The following KIAA1217 variants were observed in gnomAD, a reference collection of about 807,000 sequenced individuals.
The protein encoded by KIAA1217 is sickle tail protein homolog.
In KIAA1217, 88 loss-of-function variants were observed where a neutral mutation model predicts 163.9. The ratio of observed to expected loss-of-function variants is 0.54; its 90% CI spans 0.45 to 0.64. KIAA1217 has a LOEUF of 0.64. Among genes scored for constraint, KIAA1217 ranks in the 30% least tolerant of loss-of-function variants. The pLI is 0.00. For missense variants in KIAA1217, 2,372 were observed against 2,475.0 expected (o/e 0.96, Z 0.88); for synonymous variants, 903 against 923.1 (o/e 0.98, Z 0.39).
intron 1 of KIAA1217, among the ~76,000 whole-genome samples, chr10:23,851,408 A>C (rs566096964): frequency 6.6e-6 from 1 of 152,250 alleles, no homozygotes; most frequent in East Asian, 1.9e-4. Flanking sequence ...AATCCAGTCT[A>C]TCATTGTTGG....
At chr10:23,864,231 C>T (rs1840081509) in intron 1 of KIAA1217, among the ~76,000 whole-genome samples, 1 of 151,862 alleles carries the variant, frequency 6.6e-6, no homozygotes, top group South Asian at 2.1e-4. Flanking sequence ...ACACTATGCT[C>T]TTATTGTGCC....
In KIAA1217 at chr10:24,182,418, G is replaced by T. The variant is rs1006900476; in HGVS notation, c.-170-37208G>T. ...GATCGCACCACTGCACTCCAACCTG[G>T]ATGACAGAGCAAGACTCCATCACAC... On this transcript the variant is annotated intron_variant, in intron 2 of 18. Transcript: ENST00000376462. Among the ~76,000 whole-genome samples the T allele has an allele frequency of 1.5e-4, 18 of 121,360 alleles. No homozygotes were observed. In the South Asian group the frequency reaches 5.0e-3, roughly 34 times the overall value. 79.6% of individuals were successfully genotyped at this position (121,360 alleles called of 152,430 possible). A position where few individuals can be genotyped will look rare whatever the true frequency, so the allele number is the denominator to read the frequency against.
chr10:24,379,435 T>C (rs1040461230), intron 2 of KIAA1217, among the ~76,000 whole-genome samples: 1 of 152,186 alleles, frequency 6.6e-6, no homozygotes, highest in African/African-American at 2.4e-5. Flanking sequence ...TTGGCATATC[T>C]TTGCTGAGTT....
intron 20 of KIAA1217, 44 bp from the exon 21 acceptor site, chr10:24,545,783 G>T: frequency 1.3e-6 from 2 of 1,546,324 alleles, no homozygotes; most frequent in South Asian, 2.6e-5. Flanking sequence ...TTGATCATGT[G>T]ACCGCCTTTC....
chr10:23,834,959 A>C (rs551460929), intron 1 of KIAA1217, among the ~76,000 whole-genome samples: 12 of 152,290 alleles, frequency 7.9e-5, no homozygotes, highest in African/African-American at 2.6e-4. Flanking sequence ...AATGACTATC[A>C]AATATCCAAG....
chr10:24,227,156 A>ATTG (rs2070691328), intron 2 of KIAA1217, among the ~76,000 whole-genome samples: 1 of 150,590 alleles, frequency 6.6e-6, no homozygotes, highest in Non-Finnish European at 1.5e-5. Context: ...TATTATTATT[A>ATTG]TTATTATTAT....
At chr10:23,765,187 CTT>C (rs67342339) in intron 1 of KIAA1217, among the ~76,000 whole-genome samples, 12 of 75,358 alleles carry the variant, frequency 1.6e-4, no homozygotes, top group African/African-American at 5.8e-4. Context: ...TTTTTGTTCT[CTT>C]TTTTTTTTTT....
At position 24,473,240 on chromosome 10, in the gene KIAA1217, C is replaced by T. The variant is rs1174207916; in HGVS notation, c.859C>T (p.Leu287Phe). ...GTTTTCTTTTCAGATGCAGAGAGAA[C>T]TTGTTTATGCAAGAGGAGATGGCCC... ...MNGDMRMQRE[L>F]VYARGDGPGA... Residue 287 changes from leucine (L) to phenylalanine (F), a missense_variant, in exon 6 of 21, where the codon CTT (leucine) becomes TTT (phenylalanine). Leu to Phe is a conservative substitution (Grantham distance 22). This residue lies in a region of KIAA1217 where 1,431 missense variants were observed against 1,470.3 expected (regional missense o/e 0.97). Coordinates refer to ENST00000376454, the MANE Select transcript of KIAA1217 (RefSeq NM_019590.5). 1.3e-6 allele frequency: 2 copies of T among 1,514,112 alleles called. No individual in the cohort carries two copies. The highest frequency in any genetic ancestry group is 1.8e-6 in the Non-Finnish European group (2 of 1,132,114). 93.8% of individuals were successfully genotyped at this position (1,514,112 alleles called of 1,614,324 possible).
Position 24,254,248 on chromosome 10 carries a change from G to A in KIAA1217, c.354+34339G>A, listed in dbSNP as rs892763602. ...GAGTCCCACTGATGCCCTTAACACCGGGCATTGTTCAACTTGGGGTCATTT... is the reference window on the plus strand; with the variant it reads ...GAGTCCCACTGATGCCCTTAACACCAGGCATTGTTCAACTTGGGGTCATTT... On this transcript the variant is annotated intron_variant, in intron 2 of 20. Coordinates refer to ENST00000376454, the MANE Select transcript of KIAA1217 (RefSeq NM_019590.5). Among the ~76,000 whole-genome samples the A allele has an allele frequency of 6.6e-5, 10 of 152,298 alleles. No individual in the cohort carries two copies. The South Asian group carries it at 1.0e-3, about 16-fold the overall frequency.
At chr10:24,530,704 C>T (rs1325603131) in intron 14 of KIAA1217, among the ~76,000 whole-genome samples, 1 of 152,032 alleles carries the variant, frequency 6.6e-6, no homozygotes, top group Non-Finnish European at 1.5e-5. Context: ...TCAAGAGCAG[C>T]CTGGGCAGCA....
intron 1 of KIAA1217, among the ~76,000 whole-genome samples, chr10:23,702,932 T>C (rs1011128259): frequency 1.3e-5 from 2 of 152,084 alleles, no homozygotes; most frequent in Non-Finnish European, 2.9e-5. Flanking sequence ...TTCACCGTGT[T>C]AGCCAAGATG....
At chr10:24,495,507 A>G (rs1290846236) in intron 8 of KIAA1217, among the ~76,000 whole-genome samples, 1 of 152,218 alleles carries the variant, frequency 6.6e-6, no homozygotes, top group Non-Finnish European at 1.5e-5. Flanking sequence ...TGGAAATGGG[A>G]CAAGTAATTT....
At chr10:24,149,338 C>A (rs2064489540) in intron 2 of KIAA1217, among the ~76,000 whole-genome samples, 1 of 152,044 alleles carries the variant, frequency 6.6e-6, no homozygotes, top group Non-Finnish European at 1.5e-5. Flanking sequence ...TGCCACCATG[C>A]CCGACTAATT....
intron 3 of KIAA1217, among the ~76,000 whole-genome samples, chr10:24,382,587 A>G (rs960841338): frequency 2.6e-5 from 4 of 152,164 alleles, no homozygotes; most frequent in Admixed American, 2.6e-4. Context: ...AGAGAAGACC[A>G]CAGAAAATGT....
At chr10:24,268,158 G>C (rs2131883938) in intron 2 of KIAA1217, among the ~76,000 whole-genome samples, 1 of 152,306 alleles carries the variant, frequency 6.6e-6, no homozygotes, top group South Asian at 2.1e-4. Context: ...TTACTCTCTA[G>C]TTCATTTGGC....
Position 24,212,221 on chromosome 10 carries a change from T to C in KIAA1217, c.70+2958T>C, listed in dbSNP as rs117778678. Among the ~76,000 whole-genome samples the C allele has an allele frequency of 3.3e-3, 506 of 152,326 alleles. 8 individuals are homozygous for C. In the East Asian group the frequency reaches 0.053, roughly 16 times the overall value. On this transcript the variant is annotated intron_variant, in intron 1 of 20. Coordinates refer to ENST00000376454, the MANE Select transcript of KIAA1217 (RefSeq NM_019590.5). ...GAGAAAAAGAGGAGTCAGAGACAAC[T>C]TCCAAAATTTTGGTGTAAGCTGCTG...
chr10:24,381,193 G>A, intron 3 of KIAA1217, 126 bp downstream of exon 3: 1 of 695,052 alleles, frequency 1.4e-6, no homozygotes, highest in Non-Finnish European at 2.1e-6. Flanking sequence ...CTAGTACTGG[G>A]AAACTTCATT....
chr10:24,258,441 A>C (rs1164522316), intron 2 of KIAA1217, among the ~76,000 whole-genome samples: 15 of 152,148 alleles, frequency 9.9e-5, no homozygotes, highest in Non-Finnish European at 5.9e-5. Flanking sequence ...AATGTGTAAC[A>C]GATACACCCT....
intron 2 of KIAA1217, among the ~76,000 whole-genome samples, chr10:24,083,831 G>A (rs914788953): frequency 6.6e-6 from 1 of 152,084 alleles, no homozygotes; most frequent in African/African-American, 2.4e-5. Context: ...TGTAATGAGT[G>A]CATGATGATG....
Sources: gnomAD v4.1 joint callset for allele counts (sites outside exome capture counted in the v4.1 genomes callset) on GRCh38, gnomAD v4.1.1 for gene constraint, gnomAD v4.1.1 regional missense constraint, MANE v1.5 for transcripts, NCBI Gene and HGNC (gene_info 2026-07-23, HGNC 2026-07-21) for gene names.